Variants in C20orf203 observed in about 807,000 individuals in gnomAD.
The protein encoded by C20orf203 is chromosome 20 open reading frame 203, also known as uncharacterized protein C20orf203.
In C20orf203, 16 loss-of-function variants were observed where a neutral mutation model predicts 15.9. The observed-to-expected ratio is 1.01, with a 90% CI of 0.68 to 1.53. The LOEUF (loss-of-function observed/expected upper bound fraction) is 1.53. C20orf203 is among the 40% of genes most tolerant of loss of function. The pLI is 0.00. For missense variants in C20orf203, 263 were observed against 247.5 expected (o/e 1.06, Z -0.42); for synonymous variants, 98 against 97.2 (o/e 1.01, Z -0.05).
intron 4 of C20orf203, among the ~76,000 whole-genome samples, chr20:32,647,940 C>T (rs1404884847): frequency 6.6e-6 from 1 of 152,160 alleles, no homozygotes; most frequent in Non-Finnish European, 1.5e-5. Context: ...AGTATCTCCC[C>T]AATCCATTGA....
At chr20:32,659,642 G>A (rs1367190333) in intron 1 of C20orf203, among the ~76,000 whole-genome samples, 1 of 152,206 alleles carries the variant, frequency 6.6e-6, no homozygotes, top group African/African-American at 2.4e-5. Flanking sequence ...AGTGAATTCT[G>A]CCAGGATCCC....
intron 5 of C20orf203, among the ~76,000 whole-genome samples, chr20:32,634,915 T>G (rs1196219008): frequency 6.6e-6 from 1 of 152,208 alleles, no homozygotes; most frequent in Non-Finnish European, 1.5e-5. Context: ...TAAAAATAAT[T>G]TCAGCCAGAC....
At chr20:32,669,999 G>A (rs1219022414) in intron 1 of C20orf203, among the ~76,000 whole-genome samples, 3 of 151,892 alleles carry the variant, frequency 2.0e-5, no homozygotes, top group African/African-American at 7.2e-5. Context: ...TCAGGAGATC[G>A]AGACCAGCCT....
At chr20:32,664,787 G>A (rs1156386903) in intron 1 of C20orf203, among the ~76,000 whole-genome samples, 1 of 152,236 alleles carries the variant, frequency 6.6e-6, no homozygotes, top group Non-Finnish European at 1.5e-5. Flanking sequence ...CCAGTCACAG[G>A]GCGTTGGGTG....
intron 4 of C20orf203, among the ~76,000 whole-genome samples, chr20:32,643,706 C>T (rs1239090297): frequency 6.6e-6 from 1 of 151,740 alleles, no homozygotes; most frequent in Admixed American, 6.6e-5. Context: ...CAGTGAAGAG[C>T]TCTGTGGATG....
intron 5 of C20orf203, among the ~76,000 whole-genome samples, chr20:32,638,506 T>G (rs1982197031): frequency 1.3e-5 from 2 of 152,100 alleles, no homozygotes; most frequent in Non-Finnish European, 2.9e-5. Flanking sequence ...CTGCTGAGAT[T>G]TACAGCAGGT....
intron 1 of C20orf203, among the ~76,000 whole-genome samples, chr20:32,665,100 C>T (rs767457390): frequency 2.0e-4 from 31 of 152,240 alleles, no homozygotes; most frequent in Non-Finnish European, 5.9e-5. Context: ...TTGGGGGAGA[C>T]TTTGTGCCCT....
rs1018829665 is a variant in C20orf203, at chr20:32,645,919, T to G, written c.*1177+3336A>C. Among the ~76,000 whole-genome samples the G allele has an allele frequency of 2.0e-5, 3 of 152,210 alleles. No individual in the cohort carries two copies. In the East Asian group the frequency reaches 5.8e-4, roughly 29 times the overall value. Reference sequence around the variant, plus strand: ...GAAGTGTTAGACTATTAGTGTGAGATCTGGAGCCTGGGCTCCCCAGCTTCC... The same window carrying G: ...GAAGTGTTAGACTATTAGTGTGAGAGCTGGAGCCTGGGCTCCCCAGCTTCC... On this transcript the variant is annotated intron_variant, in intron 4 of 5. Coordinates refer to ENST00000608990, the MANE Select transcript of C20orf203 (RefSeq NM_182584.4).
At chr20:32,670,390 C>T (rs2145684142) in intron 1 of C20orf203, among the ~76,000 whole-genome samples, 1 of 151,688 alleles carries the variant, frequency 6.6e-6, no homozygotes, top group African/African-American at 2.4e-5. Flanking sequence ...CCTGTAATCT[C>T]AGCTACCTGG....
chr20:32,637,639 G>A (rs1422704704), intron 5 of C20orf203, among the ~76,000 whole-genome samples: 1 of 152,104 alleles, frequency 6.6e-6, no homozygotes, highest in African/African-American at 2.4e-5. Context: ...ACTAGGGTCC[G>A]TCTCTTGGAC....
chr20:32,658,764 C>T (rs750402), intron 1 of C20orf203, among the ~76,000 whole-genome samples: 20,789 of 152,062 alleles, frequency 0.14, 2,044 homozygotes, highest in East Asian at 0.41. Context: ...GACACTGGAG[C>T]TACAGGGAGA....
intron 1 of C20orf203, among the ~76,000 whole-genome samples, chr20:32,665,552 G>A (rs537727319): frequency 3.3e-5 from 5 of 152,310 alleles, no homozygotes; most frequent in East Asian, 1.9e-4. Flanking sequence ...AGAGCAAGGC[G>A]CGGTCCAGGA....
In C20orf203 at chr20:32,665,582, G is replaced by A. The variant is rs1334431483; in HGVS notation, c.-264+8050C>T. Among the ~76,000 whole-genome samples the A allele has an allele frequency of 2.6e-5, 4 of 152,194 alleles. No homozygotes were observed. In the East Asian group the frequency reaches 7.7e-4, roughly 29 times the overall value. On this transcript the variant is annotated intron_variant, in intron 1 of 5. Coordinates refer to ENST00000608990, the MANE Select transcript of C20orf203 (RefSeq NM_182584.4). ...CCAGGAACCAGACAGAAGCTGGTGT[G>A]GCTAGAACAGCGCTGCCCAGTGGAA... is the stretch of plus-strand genomic sequence containing the variant.
At chr20:32,639,884 G>C (rs77761872) in intron 5 of C20orf203, among the ~76,000 whole-genome samples, 2,264 of 152,290 alleles carry the variant, frequency 0.015, 32 homozygotes, top group African/African-American at 0.04. Flanking sequence ...TGGCACACAC[G>C]TAATCATAAC....
At chr20:32,640,862 G>T (rs1249041058) in intron 4 of C20orf203, among the ~76,000 whole-genome samples, 175 bp from the exon 5 acceptor site, 1 of 152,012 alleles carries the variant, frequency 6.6e-6, no homozygotes, top group Non-Finnish European at 1.5e-5. Flanking sequence ...CCCTCTTCTG[G>T]ACATTTCATA....
In C20orf203 at chr20:32,632,797, A is replaced by C. The variant is rs1982035984; in HGVS notation, c.*2773T>G. 1.3e-5 allele frequency: 2 copies of C among 152,174 alleles called. No homozygotes were observed. The highest frequency in any genetic ancestry group is 2.9e-5 in the Non-Finnish European group (2 of 68,048). 9.4% of individuals were successfully genotyped at this position (152,174 alleles called of 1,614,324 possible). Reference sequence around the variant, plus strand: ...GGTGGTCCCTGTGTTAGAGATGAGGAAACCAGGGTGACGGGATTAGTCTGT... The same window carrying C: ...GGTGGTCCCTGTGTTAGAGATGAGGCAACCAGGGTGACGGGATTAGTCTGT... On this transcript the variant is annotated 3_prime_UTR_variant, in exon 6 of 6. Transcript: ENST00000608990.
chr20:32,642,247 A>G (rs1195499798), intron 4 of C20orf203, among the ~76,000 whole-genome samples: 2 of 152,206 alleles, frequency 1.3e-5, no homozygotes, highest in East Asian at 1.9e-4. Context: ...ACACACCCCC[A>G]TGGCATATGC....
chr20:32,639,629 A>G (rs1982227832), intron 5 of C20orf203, among the ~76,000 whole-genome samples: 1 of 39,650 alleles, frequency 2.5e-5, no homozygotes, highest in Non-Finnish European at 6.0e-5. Context: ...TTAAATAGTA[A>G]AAAAAAAAAA....
chr20:32,664,637 G>T (rs891362605), intron 1 of C20orf203, among the ~76,000 whole-genome samples: 11 of 152,222 alleles, frequency 7.2e-5, no homozygotes, highest in African/African-American at 2.7e-4. Flanking sequence ...TCCTCAGCGT[G>T]AGAAGAGAGG....
Sources: gnomAD v4.1 joint callset for allele counts (sites outside exome capture counted in the v4.1 genomes callset) on GRCh38, gnomAD v4.1.1 for gene constraint, MANE v1.5 for transcripts, NCBI Gene and HGNC (gene_info 2026-07-23, HGNC 2026-07-21) for gene names.